IL15: variants seen among roughly 807,000 people sequenced by gnomAD.
The protein encoded by IL15 is interleukin-15.
A neutral mutation model predicts 19.6 loss-of-function variants in IL15; 11 were observed. The observed-to-expected ratio is 0.56, with a 90% CI of 0.35 to 0.93. IL15 has a LOEUF of 0.93. Ranked by LOEUF, IL15 falls within the 40% of genes least tolerant of loss-of-function variation. The pLI is 0.01. For missense variants in IL15, 197 were observed against 186.5 expected (o/e 1.06, Z -0.33); for synonymous variants, 58 against 59.6 (o/e 0.97, Z 0.12).
intron 2 of IL15, among the ~76,000 whole-genome samples, chr4:141,688,326 C>T (rs928919739): frequency 6.6e-6 from 1 of 152,114 alleles, no homozygotes; most frequent in Admixed American, 6.6e-5. Flanking sequence ...AGACCACTAC[C>T]TGAAGCATTT....
At chr4:141,693,379 C>T (rs748582289) in intron 2 of IL15, among the ~76,000 whole-genome samples, 1 of 152,136 alleles carries the variant, frequency 6.6e-6, no homozygotes, top group Non-Finnish European at 1.5e-5. Flanking sequence ...ATATCAAATA[C>T]TATGTGTTGC....
intron 6 of IL15, among the ~76,000 whole-genome samples, chr4:141,729,204 G>T (rs1265296432): frequency 6.6e-6 from 1 of 152,050 alleles, no homozygotes; most frequent in Non-Finnish European, 1.5e-5. Flanking sequence ...TACTGTGCAA[G>T]GTATCGAGGA....
intron 1 of IL15, chr4:141,637,174 C>G (rs1360358589): frequency 6.6e-6 from 1 of 152,222 alleles, no homozygotes; most frequent in Admixed American, 6.5e-5. Context: ...TGTCCCGCAG[C>G]CCTGAGGGCT....
intron 2 of IL15, among the ~76,000 whole-genome samples, chr4:141,683,089 T>C (rs535152512): frequency 6.6e-6 from 1 of 150,758 alleles, no homozygotes; most frequent in Non-Finnish European, 1.5e-5. Flanking sequence ...GCCAACATGG[T>C]GAAACCCCGT....
chr4:141,681,588 T>C (rs563500015), intron 2 of IL15, among the ~76,000 whole-genome samples: 19 of 152,322 alleles, frequency 1.2e-4, no homozygotes, highest in Non-Finnish European at 2.2e-4. Context: ...AATATTCAGT[T>C]CTAGCATGAC....
At chr4:141,644,835 A>G (rs1322334907) in intron 1 of IL15, among the ~76,000 whole-genome samples, 2 of 152,186 alleles carry the variant, frequency 1.3e-5, no homozygotes, top group Admixed American at 6.5e-5. Flanking sequence ...TTGCTAGTCC[A>G]TAGCAAGTCT....
intron 2 of IL15, among the ~76,000 whole-genome samples, chr4:141,687,767 A>G (rs1017802644): frequency 6.6e-6 from 1 of 152,186 alleles, no homozygotes; most frequent in Non-Finnish European, 1.5e-5. Context: ...TCCAAACAGG[A>G]CAGAATTCTA....
rs1730512530 is a variant in IL15, at chr4:141,733,260, A to G, written c.*412A>G. Reference sequence around the variant, plus strand: ...GTACCAATGCTGCAGGTCAACAGCTATGCTGGTAGGCTCCTGCCAGTGTGG... The same window carrying G: ...GTACCAATGCTGCAGGTCAACAGCTGTGCTGGTAGGCTCCTGCCAGTGTGG... On this transcript the variant is annotated 3_prime_UTR_variant, in exon 8 of 8. Transcript: ENST00000320650. The G allele has an allele frequency of 6.1e-6, 1 of 162,636 alleles. No homozygotes were observed. The highest frequency in any genetic ancestry group is 1.3e-5 in the Non-Finnish European group (1 of 75,724). The allele number at this position is 162,636 out of a possible 1,614,324, so 10.1% of individuals were successfully genotyped here. A position where few individuals can be genotyped will look rare whatever the true frequency, so the allele number is the denominator to read the frequency against.
chr4:141,732,790 T>C lies in IL15; in HGVS notation c.431T>C (p.Ile144Thr), dbSNP rs1730493223. ...TGTGAGGAACTGGAGGAAAAAAATA[T>C]TAAAGAATTTTTGCAGAGTTTTGTA... ...KECEELEEKN[I>T]KEFLQSFVHI... Residue 144 changes from isoleucine (I) to threonine (T), a missense_variant, in exon 8 of 8, where the codon ATT (isoleucine) becomes ACT (threonine). By Grantham distance (89) the Ile-to-Thr change is moderately conservative. Coordinates refer to ENST00000320650, the MANE Select transcript of IL15 (RefSeq NM_000585.5). 8.7e-6 allele frequency: 14 copies of C among 1,612,866 alleles called. No homozygotes were observed. The highest frequency in any genetic ancestry group is 1.1e-5 in the Non-Finnish European group (13 of 1,179,640).
intron 2 of IL15, among the ~76,000 whole-genome samples, chr4:141,692,973 T>C (rs1408913432): frequency 3.2e-5 from 4 of 124,514 alleles, no homozygotes; most frequent in Non-Finnish European, 6.3e-5. Context: ...TGAGCGCCAC[T>C]GCACTTCAGC....
At chr4:141,683,033 G>A (rs552653384) in intron 2 of IL15, among the ~76,000 whole-genome samples, 111 of 152,144 alleles carry the variant, frequency 7.3e-4, no homozygotes, top group African/African-American at 2.6e-3. Flanking sequence ...CACTTTGGGA[G>A]GCTGAGGCAG....
At chr4:141,722,066 T>G (rs1229059634) in intron 5 of IL15, 58 bp downstream of exon 5, 1 of 1,462,796 alleles carries the variant, frequency 6.8e-7, no homozygotes, top group Non-Finnish European at 9.2e-7. Context: ...TTTGTCTCTC[T>G]CTGTGTTTTT....
intron 2 of IL15, among the ~76,000 whole-genome samples, chr4:141,677,055 T>A (rs760309442): frequency 1.3e-5 from 2 of 152,232 alleles, no homozygotes; most frequent in Non-Finnish European, 2.9e-5. Context: ...GCACTGAAAC[T>A]AAAGTGAACA....
chr4:141,686,098 C>T (rs1454442660), intron 2 of IL15, among the ~76,000 whole-genome samples: 8 of 151,900 alleles, frequency 5.3e-5, no homozygotes, highest in Admixed American at 5.2e-4. Flanking sequence ...TGTTCGAGAC[C>T]AGCCTGGCCA....
chr4:141,726,534 T>G (rs1730271225), intron 5 of IL15, among the ~76,000 whole-genome samples: 1 of 152,168 alleles, frequency 6.6e-6, no homozygotes, highest in Non-Finnish European at 1.5e-5. Flanking sequence ...TAAAATAGTT[T>G]GGCAGCATCC....
chr4:141,698,101 G>T (rs1218559414), intron 2 of IL15, among the ~76,000 whole-genome samples: 2 of 151,890 alleles, frequency 1.3e-5, no homozygotes, highest in Non-Finnish European at 2.9e-5. Flanking sequence ...TGATCATATG[G>T]TTTTTGTTTT....
In IL15 at chr4:141,719,443, G is replaced by A. The variant is rs752220294; in HGVS notation, c.-22G>A. The A allele has an allele frequency of 4.3e-5, 38 of 879,886 alleles. No homozygotes were observed. The South Asian group carries it at 4.9e-4, about 11-fold the overall frequency. The allele number at this position is 879,886 out of a possible 1,614,324, so 54.5% of individuals were successfully genotyped here. A position where few individuals can be genotyped will look rare whatever the true frequency, so the allele number is the denominator to read the frequency against. ...TAGCCAGCTCTTCTTCAATACTTAA[G>A]GATTTACCGTGGCTTTGAGTAATGA... On this transcript the variant is annotated 5_prime_UTR_variant, in exon 3 of 8. Transcript: ENST00000320650.
intron 2 of IL15, among the ~76,000 whole-genome samples, chr4:141,701,836 C>T (rs1401967170): frequency 1.3e-5 from 2 of 152,176 alleles, no homozygotes; most frequent in Non-Finnish European, 2.9e-5. Context: ...AGTGTTCTGG[C>T]TATTCAGATC....
intron 1 of IL15, among the ~76,000 whole-genome samples, chr4:141,639,433 A>G (rs182613799): frequency 4.3e-4 from 66 of 152,282 alleles, no homozygotes; most frequent in African/African-American, 1.3e-3. Flanking sequence ...TGTGTTTGGT[A>G]TATTGGAGAA....
Sources: gnomAD v4.1 joint callset for allele counts (sites outside exome capture counted in the v4.1 genomes callset) on GRCh38, gnomAD v4.1.1 for gene constraint, MANE v1.5 for transcripts, NCBI Gene and HGNC (gene_info 2026-07-23, HGNC 2026-07-21) for gene names.